Variants in MCPH1 observed in about 807,000 individuals in gnomAD.
MCPH1 encodes the protein microcephalin 1, also known as microcephalin.
MCPH1 carries 104 observed loss-of-function variants against 84.5 expected under a neutral mutation model. The observed-to-expected ratio is 1.23, with a 90% CI of 1.05 to 1.45. The LOEUF (loss-of-function observed/expected upper bound fraction) is 1.45, where lower values mean the gene tolerates loss of function less well. Among genes scored for constraint, MCPH1 ranks in the 40% most tolerant of loss-of-function variants. The pLI is 0.00. For synonymous variants in MCPH1, 514 were observed against 366.8 expected (o/e 1.40, Z -4.58); for missense variants, 1,498 against 1,005.7 (o/e 1.49, Z -6.62).
chr8:6,577,082 T>C (rs992166466), intron 12 of MCPH1, among the ~76,000 whole-genome samples: 5 of 152,180 alleles, frequency 3.3e-5, no homozygotes, highest in African/African-American at 1.2e-4. Flanking sequence ...AAGATACTCC[T>C]TTCAGTCCCA....
At chr8:6,550,605 GC>G (rs1653913075) in intron 12 of MCPH1, among the ~76,000 whole-genome samples, 1 of 152,238 alleles carries the variant, frequency 6.6e-6, no homozygotes, top group Admixed American at 6.5e-5. Flanking sequence ...GTGTAGGGTG[GC>G]GGGCGTTGGT....
At chr8:6,601,409 C>T (rs949040732) in intron 12 of MCPH1, among the ~76,000 whole-genome samples, 1 of 152,034 alleles carries the variant, frequency 6.6e-6, no homozygotes, top group Non-Finnish European at 1.5e-5. Context: ...CCTGGCTCTT[C>T]CTGCCCTAAT....
chr8:6,406,729 T>G lies in MCPH1; in HGVS notation c.22+40T>G, dbSNP rs764257927. On this transcript the variant is annotated intron_variant, in intron 1 of 13. Coordinates refer to ENST00000344683, the MANE Select transcript of MCPH1 (RefSeq NM_024596.5). ...GCTGCCTGCTCCAGCAGCGGGAGTTTGAGGACCGGCACCCCTCGTCGCGGG... is the reference window on the plus strand; with the variant it reads ...GCTGCCTGCTCCAGCAGCGGGAGTTGGAGGACCGGCACCCCTCGTCGCGGG... The G allele has an allele frequency of 3.7e-6, 6 of 1,609,020 alleles. No homozygotes were observed. In the African/African-American group the frequency reaches 6.7e-5, roughly 18 times the overall value.
At position 6,438,835 on chromosome 8, in the gene MCPH1, T is replaced by C. The variant is rs373214546; in HGVS notation, c.437-118T>C. 302 of 839,632 alleles carry C rather than the reference T, an allele frequency of 3.6e-4. No homozygotes were observed. The African/African-American group carries it at 4.8e-3, about 13-fold the overall frequency. The allele number at this position is 839,632 out of a possible 1,614,324, so 52.0% of individuals were successfully genotyped here. ...GTAGAATATTAGCAGGAGTAGGTAATGATGTTGAAAGGGAAGAAGGAAAAC... is the reference window on the plus strand; with the variant it reads ...GTAGAATATTAGCAGGAGTAGGTAACGATGTTGAAAGGGAAGAAGGAAAAC... On this transcript the variant is annotated intron_variant, in intron 5 of 13. Coordinates refer to ENST00000344683, the MANE Select transcript of MCPH1 (RefSeq NM_024596.5).
intron 9 of MCPH1, among the ~76,000 whole-genome samples, chr8:6,456,773 C>T (rs1254932598): frequency 6.6e-6 from 1 of 152,054 alleles, no homozygotes; most frequent in East Asian, 1.9e-4. Flanking sequence ...CTCATTTGCC[C>T]ACAGTGGAAG....
chr8:6,636,123 G>C (rs1563223011), intron 13 of MCPH1, among the ~76,000 whole-genome samples: 1 of 152,226 alleles, frequency 6.6e-6, no homozygotes, highest in African/African-American at 2.4e-5. Context: ...CAGATCACTT[G>C]AGGCCAGGAG....
At chr8:6,542,621 G>C (rs1012569140) in intron 12 of MCPH1, among the ~76,000 whole-genome samples, 1 of 151,350 alleles carries the variant, frequency 6.6e-6, no homozygotes, top group African/African-American at 2.4e-5. Context: ...AGTGCTGTCT[G>C]AGGAGCATTA....
intron 9 of MCPH1, among the ~76,000 whole-genome samples, chr8:6,465,971 C>CCATCCATA (rs1321489385): frequency 1.3e-5 from 2 of 151,442 alleles, no homozygotes; most frequent in Non-Finnish European, 2.9e-5. Flanking sequence ...ATCCATCCAT[C>CCATCCATA]CGATACAGAG....
chr8:6,534,457 C>T (rs1011578695), intron 12 of MCPH1, among the ~76,000 whole-genome samples: 1 of 152,136 alleles, frequency 6.6e-6, no homozygotes, highest in Non-Finnish European at 1.5e-5. Flanking sequence ...GACAGTTGTA[C>T]TAGAGCTCCA....
At chr8:6,500,030 A>C (rs1168109895) in intron 12 of MCPH1, 101 bp downstream of exon 12, 3 of 927,652 alleles carry the variant, frequency 3.2e-6, no homozygotes, top group Non-Finnish European at 5.3e-6. Context: ...AGTCAAGCAC[A>C]ATTATGCCCA....
intron 9 of MCPH1, among the ~76,000 whole-genome samples, chr8:6,472,814 G>A (rs11137029): frequency 0.14 from 20,931 of 152,068 alleles, 1,541 homozygotes; most frequent in Middle Eastern, 0.24. Flanking sequence ...TTTGATTTGC[G>A]GAAGGCAAAA....
chr8:6,442,409 T>C (rs1803652823), intron 7 of MCPH1, among the ~76,000 whole-genome samples: 1 of 152,190 alleles, frequency 6.6e-6, no homozygotes, highest in Non-Finnish European at 1.5e-5. Flanking sequence ...ATTTAAAAAA[T>C]TATTGTGAAC....
intron 9 of MCPH1, among the ~76,000 whole-genome samples, chr8:6,474,873 T>G (rs147786972): frequency 6.6e-6 from 1 of 152,232 alleles, no homozygotes; most frequent in Non-Finnish European, 1.5e-5. Flanking sequence ...TGACAACTCA[T>G]AGAAGACATG....
intron 3 of MCPH1, among the ~76,000 whole-genome samples, chr8:6,427,227 A>G (rs1281134720): frequency 6.6e-6 from 1 of 152,198 alleles, no homozygotes; most frequent in African/African-American, 2.4e-5. Flanking sequence ...CTAGACTGGA[A>G]GTTGCTGTGG....
At chr8:6,414,157 C>G (rs1035843811) in intron 2 of MCPH1, among the ~76,000 whole-genome samples, 3 of 152,150 alleles carry the variant, frequency 2.0e-5, no homozygotes, top group Non-Finnish European at 4.4e-5. Context: ...AGGCGTCCGC[C>G]ACCTTGCACC....
intron 3 of MCPH1, among the ~76,000 whole-genome samples, chr8:6,429,810 C>G (rs564508107): frequency 6.6e-6 from 1 of 152,136 alleles, no homozygotes. Flanking sequence ...TTGCAGTATT[C>G]CCTGACTGGC....
intron 12 of MCPH1, among the ~76,000 whole-genome samples, chr8:6,514,440 C>T (rs1352107913): frequency 3.3e-5 from 5 of 152,154 alleles, no homozygotes; most frequent in Admixed American, 1.3e-4. Context: ...CCATCTGCCT[C>T]GGCCTCCCAA....
chr8:6,598,851 C>A (rs1012955790), intron 12 of MCPH1, among the ~76,000 whole-genome samples: 3 of 152,210 alleles, frequency 2.0e-5, no homozygotes, highest in African/African-American at 7.2e-5. Context: ...GGCTTCCCGC[C>A]CGATGCATTG....
chr8:6,471,040 C>T (rs1807650867), intron 9 of MCPH1, among the ~76,000 whole-genome samples: 1 of 151,708 alleles, frequency 6.6e-6, no homozygotes, highest in African/African-American at 2.4e-5. Flanking sequence ...CCTTTTTTTT[C>T]AGATTTCACC....
Sources: gnomAD v4.1 joint callset for allele counts (sites outside exome capture counted in the v4.1 genomes callset) on GRCh38, gnomAD v4.1.1 for gene constraint, MANE v1.5 for transcripts, NCBI Gene and HGNC (gene_info 2026-07-23, HGNC 2026-07-21) for gene names.